The following GRK4 variants were observed in gnomAD, a reference collection of about 807,000 sequenced individuals.
The protein encoded by GRK4 is G protein-coupled receptor kinase 2-like.
GRK4 carries 73 observed loss-of-function variants against 77.9 expected under a neutral mutation model. The ratio of observed to expected loss-of-function variants is 0.94; its 90% CI spans 0.78 to 1.14. The LOEUF (loss-of-function observed/expected upper bound fraction) is 1.14, where lower values mean the gene tolerates loss of function less well. Among genes scored for constraint, GRK4 ranks in the 50% most tolerant of loss-of-function variants. The probability of loss-of-function intolerance (pLI) is 0.00; values close to 1 mark genes in which losing one functional copy is unlikely to be tolerated. For synonymous variants in GRK4, 257 were observed against 254.4 expected (o/e 1.01, Z -0.10); for missense variants, 729 against 700.2 (o/e 1.04, Z -0.46).
Position 3,023,748 on chromosome 4 carries a change from TAA to T in GRK4, c.970+1300_970+1301del, listed in dbSNP as rs1736697803. 5.3e-5 allele frequency among the ~76,000 whole-genome samples: 8 copies of T among 152,284 alleles called. No homozygotes were observed. The South Asian group carries it at 1.7e-3, about 32-fold the overall frequency. ...CGAAGCTGCTCACTTACTGAGTTGT[TAA>T]AAGGCTTAACAAGGGTAGGTAGAAC... On this transcript the variant is annotated intron_variant, in intron 10 of 15. Transcript: ENST00000398052.
At chr4:3,006,482 C>CTCTGTT (rs1360723992) in intron 5 of GRK4, among the ~76,000 whole-genome samples, 1 of 151,848 alleles carries the variant, frequency 6.6e-6, no homozygotes, top group Non-Finnish European at 1.5e-5. Flanking sequence ...GAACTGCTTT[C>CTCTGTT]CAAAAAGATG....
chr4:2,987,559 T>G (rs780680776), intron 2 of GRK4, among the ~76,000 whole-genome samples: 1 of 152,224 alleles, frequency 6.6e-6, no homozygotes, highest in Non-Finnish European at 1.5e-5. Flanking sequence ...TCCAAGTTTT[T>G]GGCTGTGTGA....
chr4:3,036,912 T>A (rs2067003), intron 13 of GRK4, among the ~76,000 whole-genome samples: 65,098 of 152,044 alleles, frequency 0.43, 14,489 homozygotes, highest in South Asian at 0.66. Flanking sequence ...TGGTGGCCTC[T>A]GTCCCTGTTC....
intron 5 of GRK4, among the ~76,000 whole-genome samples, 172 bp downstream of exon 5, chr4:3,004,506 G>A (rs1221903765): frequency 6.6e-6 from 1 of 152,160 alleles, no homozygotes; most frequent in Non-Finnish European, 1.5e-5. Flanking sequence ...TTGAAAATCT[G>A]TGTGTAACTT....
chr4:3,021,264 C>T (rs1479864897), intron 9 of GRK4, among the ~76,000 whole-genome samples: 1 of 152,180 alleles, frequency 6.6e-6, no homozygotes, highest in East Asian at 1.9e-4. Context: ...GTGCCACTCT[C>T]CACCCAGCCC....
chr4:2,971,862 T>C (rs1719656339), intron 1 of GRK4, among the ~76,000 whole-genome samples: 1 of 152,296 alleles, frequency 6.6e-6, no homozygotes, highest in South Asian at 2.1e-4. Flanking sequence ...TCACGTGGCG[T>C]GCCCTCTGTG....
At chr4:2,988,680 C>A in intron 2 of GRK4, 47 bp from the exon 3 acceptor site, 1 of 978,896 alleles carries the variant, frequency 1.0e-6, no homozygotes, top group Non-Finnish European at 1.7e-6. Context: ...ATGTGGTGGA[C>A]TGTAATGATT....
At chr4:3,028,424 C>G (rs1029363046) in intron 11 of GRK4, among the ~76,000 whole-genome samples, 1 of 152,234 alleles carries the variant, frequency 6.6e-6, no homozygotes, top group Non-Finnish European at 1.5e-5. Flanking sequence ...CAGAGTCCTG[C>G]AGGAAGACCC....
At position 3,007,760 on chromosome 4, in the gene GRK4, G is replaced by A. The variant is rs1205462078; in HGVS notation, c.468G>A (p.Gly156=). The part of the protein sequence containing the change: ...CTRVAHNYLR[G]EPFEEYQESS... ...GAGTTGCCCATAACTACCTAAGAGG[G>A]GAACCATTTGAAGAATACCAAGAAA... Residue 156 remains glycine, a synonymous_variant, in exon 6 of 16, where the codon GGG becomes GGA. Coordinates refer to ENST00000398052, the MANE Select transcript of GRK4 (RefSeq NM_182982.3). 2.5e-6 allele frequency: 4 copies of A among 1,608,360 alleles called. No homozygotes were observed. Among genetic ancestry groups the A allele is most frequent in the Admixed American group, 1.7e-5 (1 of 59,132 alleles).
At position 3,029,232 on chromosome 4, in the gene GRK4, G is replaced by A. The variant is rs545054515; in HGVS notation, c.1092G>A (p.Thr364=). ...APEVVNNEKY[T]FSPDWWGLGC... ...AAGTTGTCAATAATGAAAAGTATACGTTTAGTCCCGATTGGTGGGGACTTG... is the reference window on the plus strand; with the variant it reads ...AAGTTGTCAATAATGAAAAGTATACATTTAGTCCCGATTGGTGGGGACTTG... Residue 364 remains threonine (T), a synonymous_variant, in exon 12 of 16, where the codon ACG becomes ACA. Coordinates refer to ENST00000398052, the MANE Select transcript of GRK4 (RefSeq NM_182982.3). 2.6e-5 allele frequency: 42 copies of A among 1,613,814 alleles called. No individual in the cohort carries two copies. In the East Asian group the frequency reaches 2.7e-4, roughly 10 times the overall value.
intron 7 of GRK4, among the ~76,000 whole-genome samples, chr4:3,012,845 C>G (rs1560454053): frequency 6.6e-6 from 1 of 151,936 alleles, no homozygotes; most frequent in African/African-American, 2.4e-5. Flanking sequence ...ATTAAAAAAT[C>G]AAGAATCTTT....
intron 4 of GRK4, among the ~76,000 whole-genome samples, chr4:2,998,713 A>T (rs1478403492): frequency 6.6e-6 from 1 of 152,180 alleles, no homozygotes; most frequent in African/African-American, 2.4e-5. Context: ...ATTAAAGAAG[A>T]TCTCAAGAAA....
intron 13 of GRK4, among the ~76,000 whole-genome samples, chr4:3,037,050 T>G (rs1431879886): frequency 1.0e-5 from 1 of 97,338 alleles, no homozygotes; most frequent in Non-Finnish European, 1.9e-5. Context: ...GAGGGGTGTG[T>G]GTGTGTGTGT....
At chr4:2,987,650 A>G (rs905178210) in intron 2 of GRK4, among the ~76,000 whole-genome samples, 3 of 152,176 alleles carry the variant, frequency 2.0e-5, no homozygotes, top group Non-Finnish European at 4.4e-5. Flanking sequence ...ACTCAGAAGC[A>G]GAATTGTTGG....
chr4:3,031,820 G>A (rs917670543), intron 12 of GRK4, among the ~76,000 whole-genome samples: 2 of 152,174 alleles, frequency 1.3e-5, no homozygotes, highest in South Asian at 2.1e-4. Flanking sequence ...AGTCACTGGA[G>A]AAGAGAAGGC....
At chr4:3,004,044 A>G (rs1381671075) in intron 4 of GRK4, among the ~76,000 whole-genome samples, 187 bp from the exon 5 acceptor site, 1 of 152,190 alleles carries the variant, frequency 6.6e-6, no homozygotes, top group Admixed American at 6.5e-5. Context: ...TATGCATCGG[A>G]GAAGATCTGA....
At chr4:2,994,511 C>G (rs1727224005) in intron 4 of GRK4, among the ~76,000 whole-genome samples, 2 of 152,072 alleles carry the variant, frequency 1.3e-5, no homozygotes, top group African/African-American at 2.4e-5. Context: ...ACACCCGGCT[C>G]CATTTATCTA....
chr4:3,016,532 CAAA>C (rs527985170), intron 8 of GRK4, among the ~76,000 whole-genome samples: 2 of 77,228 alleles, frequency 2.6e-5, no homozygotes. Context: ...ACTCAATCTC[CAAA>C]AAAAAAAAAA....
Position 3,029,203 on chromosome 4 carries a change from C to A in GRK4, c.1063C>A (p.Pro355Thr), listed in dbSNP as rs780538253. 4 of 1,608,284 alleles carry A rather than the reference C, an allele frequency of 2.5e-6. No homozygotes were observed. The highest frequency in any genetic ancestry group is 3.4e-6 in the Non-Finnish European group (4 of 1,176,094). The change falls in exon 12 of 16, where the codon CCT becomes ACT. Residue 355 changes from proline to threonine, a missense_variant and splice_region_variant. Coordinates refer to ENST00000398052, the MANE Select transcript of GRK4 (RefSeq NM_182982.3). ...GRVGTVGYMA[P>T]EVVNNEKYTF... Reference sequence around the variant, plus strand: ...CATTTCCTGTATTTGTTATGTAGCACCTGAAGTTGTCAATAATGAAAAGTA... The same window carrying A: ...CATTTCCTGTATTTGTTATGTAGCAACTGAAGTTGTCAATAATGAAAAGTA...
Sources: allele counts gnomAD v4.1 joint callset (sites outside exome capture counted in the v4.1 genomes callset), GRCh38; gene constraint gnomAD v4.1.1; transcripts MANE v1.5; gene names NCBI Gene and HGNC (gene_info 2026-07-23, HGNC 2026-07-21).